Variants in COX10 observed in about 807,000 individuals in gnomAD.
COX10 encodes cytochrome c oxidase assembly factor heme A:farnesyltransferase COX10, also known as protoheme IX farnesyltransferase, mitochondrial.
A neutral mutation model predicts 37.3 loss-of-function variants in COX10; 27 were observed. That is an observed-to-expected ratio of 0.72 (90% CI 0.53 to 1.00). The LOEUF (loss-of-function observed/expected upper bound fraction) is 1.00. Ranked by LOEUF, COX10 falls within the 50% of genes least tolerant of loss-of-function variation. The pLI is 0.00. For missense variants in COX10, 475 were observed against 563.2 expected (o/e 0.84, Z 1.59); for synonymous variants, 222 against 229.1 (o/e 0.97, Z 0.28).
At chr17:14,106,433 G>A (rs1338312294) in intron 4 of COX10, among the ~76,000 whole-genome samples, 1 of 152,136 alleles carries the variant, frequency 6.6e-6, no homozygotes, top group Non-Finnish European at 1.5e-5. Flanking sequence ...ATGCTGAGCT[G>A]AAATTCTTTT....
chr17:14,138,901 TG>T (rs1412095569), intron 4 of COX10, among the ~76,000 whole-genome samples: 4 of 152,098 alleles, frequency 2.6e-5, no homozygotes, highest in African/African-American at 4.8e-5. Context: ...CGGAGTGCTG[TG>T]TGGTGTATTC....
At chr17:14,130,103 T>G (rs1916430785) in intron 4 of COX10, among the ~76,000 whole-genome samples, 1 of 152,182 alleles carries the variant, frequency 6.6e-6, no homozygotes, top group Non-Finnish European at 1.5e-5. Context: ...AAAAATCCTT[T>G]GGACATAAGT....
intron 6 of COX10, among the ~76,000 whole-genome samples, chr17:14,199,838 G>A (rs1567613539): frequency 6.6e-6 from 1 of 152,130 alleles, no homozygotes; most frequent in African/African-American, 2.4e-5. Flanking sequence ...CAAAAGAAAG[G>A]CTTTGAAATC....
chr17:14,092,251 A>G (rs1011711437), intron 3 of COX10, among the ~76,000 whole-genome samples: 5 of 152,130 alleles, frequency 3.3e-5, no homozygotes, highest in African/African-American at 1.2e-4. Context: ...GCTAATTGTA[A>G]ATGTCAACCA....
At chr17:14,128,288 G>T (rs904418551) in intron 4 of COX10, among the ~76,000 whole-genome samples, 3 of 150,868 alleles carry the variant, frequency 2.0e-5, no homozygotes, top group Non-Finnish European at 4.4e-5. Flanking sequence ...TTCAGCAGCA[G>T]TTTTTTTTTA....
At chr17:14,156,445 G>T (rs2142237112) in intron 4 of COX10, among the ~76,000 whole-genome samples, 1 of 152,236 alleles carries the variant, frequency 6.6e-6, no homozygotes. Context: ...ATCCAGGGTG[G>T]TCTCCATCTC....
chr17:14,093,148 C>G (rs1020274474), intron 3 of COX10, among the ~76,000 whole-genome samples: 1 of 152,106 alleles, frequency 6.6e-6, no homozygotes, highest in African/African-American at 2.4e-5. Context: ...TATAGAAAAT[C>G]TTAGAGTTTC....
chr17:14,129,686 T>C (rs926310868), intron 4 of COX10, among the ~76,000 whole-genome samples: 1 of 152,204 alleles, frequency 6.6e-6, no homozygotes, highest in Non-Finnish European at 1.5e-5. Flanking sequence ...GTAAACCATG[T>C]GTTCCTTTAG....
At position 14,156,797 on chromosome 17, in the gene COX10, C is replaced by T. The variant is rs149620347; in HGVS notation, c.625-3080C>T. Among the ~76,000 whole-genome samples the T allele has an allele frequency of 4.2e-3, 638 of 152,304 alleles. 5 individuals carry two copies. Among genetic ancestry groups the T allele is most frequent in the African/African-American group, 0.014 (600 of 41,560 alleles). ...TGTCTCCCTAGCTGGGTTCAGAGCC[C>T]GTTCTCTGGACTCCCATAATCCTTT... On this transcript the variant is annotated intron_variant, in intron 4 of 6. Transcript: ENST00000261643.
intron 4 of COX10, among the ~76,000 whole-genome samples, chr17:14,125,384 G>T (rs1916319580): frequency 6.6e-6 from 1 of 152,250 alleles, no homozygotes; most frequent in Admixed American, 6.5e-5. Context: ...GTTCTTTGTT[G>T]AATTAGCCTT....
intron 5 of COX10, among the ~76,000 whole-genome samples, chr17:14,173,219 G>T (rs191353187): frequency 6.6e-6 from 1 of 152,344 alleles, no homozygotes; most frequent in East Asian, 1.9e-4. Flanking sequence ...TACCTGGCAG[G>T]TAGCTAATGC....
chr17:14,107,656 T>TGTAGAGCTGAC (rs1915923397), intron 4 of COX10, among the ~76,000 whole-genome samples: 1 of 149,144 alleles, frequency 6.7e-6, no homozygotes, highest in Non-Finnish European at 1.5e-5. Context: ...ACTGTCAGCC[T>TGTAGAGCTGAC]AATTGTACTG....
intron 3 of COX10, among the ~76,000 whole-genome samples, chr17:14,081,882 TGAGACTTAAGAGTGTAAA>T (rs1915303355): frequency 6.6e-6 from 1 of 152,188 alleles, no homozygotes; most frequent in Non-Finnish European, 1.5e-5. Flanking sequence ...ATGGTGGTGT[TGAGACTTAAGAGTGTAAA>T]TATGGAAGAA....
intron 5 of COX10, among the ~76,000 whole-genome samples, chr17:14,172,578 C>CTTTTTTTTTTTTTTTTT (rs57560461): frequency 9.5e-6 from 1 of 105,634 alleles, no homozygotes; most frequent in African/African-American, 3.4e-5. Flanking sequence ...TTTTCTTTTT[C>CTTTTTTTTTTTTTTTTT]TTTTTTTTTT....
chr17:14,145,729 C>T (rs780908118), intron 4 of COX10, among the ~76,000 whole-genome samples: 5 of 152,044 alleles, frequency 3.3e-5, no homozygotes, highest in South Asian at 4.1e-4. Context: ...AAGATCACTT[C>T]GACTATTCTG....
intron 1 of COX10, among the ~76,000 whole-genome samples, chr17:14,071,368 T>G (rs1163294103): frequency 6.6e-6 from 1 of 152,136 alleles, no homozygotes; most frequent in Non-Finnish European, 1.5e-5. Context: ...ATAGACAGCT[T>G]ACTCCCTGAA....
intron 5 of COX10, among the ~76,000 whole-genome samples, chr17:14,170,004 G>A (rs1377808739): frequency 6.6e-6 from 1 of 152,160 alleles, no homozygotes; most frequent in African/African-American, 2.4e-5. Context: ...TCTTAAAGCA[G>A]GATGGCCTCA....
intron 6 of COX10, among the ~76,000 whole-genome samples, chr17:14,197,341 T>C (rs74600945): frequency 0.011 from 1,659 of 152,288 alleles, 24 homozygotes; most frequent in African/African-American, 0.038. Context: ...CAGGGGGCCT[T>C]GAGCACTGAA....
At chr17:14,173,386 G>A (rs369838359) in intron 5 of COX10, among the ~76,000 whole-genome samples, 1 of 152,230 alleles carries the variant, frequency 6.6e-6, no homozygotes, top group African/African-American at 2.4e-5. Context: ...GAGAATGAGC[G>A]AAGAGACAAA....
Sources: gnomAD v4.1 joint callset for allele counts (sites outside exome capture counted in the v4.1 genomes callset) on GRCh38, gnomAD v4.1.1 for gene constraint, MANE v1.5 for transcripts, NCBI Gene and HGNC (gene_info 2026-07-23, HGNC 2026-07-21) for gene names.